CREBBP: variants seen among roughly 807,000 people sequenced by gnomAD.
CREBBP encodes the protein CREB-binding protein.
Under a neutral mutation model 265.0 loss-of-function variants are expected in CREBBP, and 19 were observed. The ratio of observed to expected loss-of-function variants is 0.07; its 90% CI spans 0.05 to 0.11. CREBBP has a LOEUF of 0.11. Among genes scored for constraint, CREBBP ranks in the 10% least tolerant of loss-of-function variants. The pLI is 1.00. For missense variants in CREBBP, 2,525 were observed against 3,219.0 expected (o/e 0.78, Z 5.22); for synonymous variants, 1,457 against 1,223.7 (o/e 1.19, Z -3.98).
rs1349833521 is a variant in CREBBP, at chr16:3,879,683, C to T, written c.85+149G>A. 3 of 879,512 alleles carry T rather than the reference C, an allele frequency of 3.4e-6. No individual in the cohort carries two copies. The East Asian group carries it at 8.0e-5, about 23-fold the overall frequency. The allele number at this position is 879,512 out of a possible 1,614,324, so 54.5% of individuals were successfully genotyped here. On this transcript the variant is annotated intron_variant, in intron 1 of 30. Transcript: ENST00000262367. ...GACAGTCCTGCGACGAACTTCCACC[C>T]TCCCGCGCGGGGCGAGGGGAACGGG... is the stretch of plus-strand genomic sequence containing the variant.
At chr16:3,757,065 G>GTT (rs1176019408) in intron 19 of CREBBP, among the ~76,000 whole-genome samples, 1 of 152,080 alleles carries the variant, frequency 6.6e-6, no homozygotes, top group Admixed American at 6.6e-5. Flanking sequence ...AGAGATGGGG[G>GTT]TTTCTCTATG....
intron 6 of CREBBP, 75 bp downstream of exon 6, chr16:3,782,609 C>A: frequency 6.4e-7 from 1 of 1,562,578 alleles, no homozygotes; most frequent in South Asian, 1.2e-5. Context: ...CTGAAAACTG[C>A]CTTGGGTTCC....
chr16:3,872,457 C>T (rs975205347), intron 1 of CREBBP, among the ~76,000 whole-genome samples: 1 of 152,130 alleles, frequency 6.6e-6, no homozygotes, highest in Non-Finnish European at 1.5e-5. Context: ...GGCAAAAGCC[C>T]CCACAGGCAC....
chr16:3,843,423 AT>A (rs71133662), intron 2 of CREBBP, among the ~76,000 whole-genome samples: 45 of 141,734 alleles, frequency 3.2e-4, no homozygotes, highest in African/African-American at 4.4e-4. Context: ...GTTGTCAAAG[AT>A]TTTTTTTTTT....
Position 3,726,984 on chromosome 16 carries a change from A to C in CREBBP, c.*734T>G. 2 of 233,334 alleles carry C rather than the reference A, an allele frequency of 8.6e-6. No homozygotes were observed. The highest frequency in any genetic ancestry group is 1.7e-5 in the Non-Finnish European group (2 of 118,030). 14.5% of individuals were successfully genotyped at this position (233,334 alleles called of 1,614,324 possible). ...TTTCCTCATTTCAAGTTTCACATAG[A>C]AGAAAGAAAAGAAGGCTTCTTCTCT... On this transcript the variant is annotated 3_prime_UTR_variant, in exon 31 of 31. Transcript: ENST00000262367.
intron 2 of CREBBP, among the ~76,000 whole-genome samples, chr16:3,827,228 G>A (rs1307531007): frequency 6.6e-6 from 1 of 151,504 alleles, no homozygotes; most frequent in Non-Finnish European, 1.5e-5. Context: ...AATGTGATAA[G>A]TATCAACAGG....
intron 3 of CREBBP, among the ~76,000 whole-genome samples, chr16:3,808,662 T>C (rs189036222): frequency 1.3e-5 from 2 of 152,176 alleles, no homozygotes; most frequent in East Asian, 3.9e-4. Flanking sequence ...CACTAAGTTG[T>C]AGATAAAGGA....
At chr16:3,838,785 G>A (rs1053086398) in intron 2 of CREBBP, among the ~76,000 whole-genome samples, 1 of 152,080 alleles carries the variant, frequency 6.6e-6, no homozygotes, top group Non-Finnish European at 1.5e-5. Context: ...CTGGCCTAAA[G>A]CAATCCTCCC....
rs2054759323 is a variant in CREBBP, at chr16:3,849,437, GTGTGTGTGTGTGT to G, written c.798+847_798+859del. 0.01 allele frequency among the ~76,000 whole-genome samples: 166 copies of G among 16,478 alleles called. 5 individuals carry two copies. The Middle Eastern group carries it at 0.12, about 12-fold the overall frequency. 10.8% of individuals were successfully genotyped at this position (16,478 alleles called of 152,430 possible). On this transcript the variant is annotated intron_variant, in intron 2 of 30. Coordinates refer to ENST00000262367, the MANE Select transcript of CREBBP (RefSeq NM_004380.3). ...TGTGTGTGTGTGTGTGTGTGTGTGT[GTGTGTGTGTGTGT>G]GTGTGTGTGTGTGTGTGTGTGTGTG...
chr16:3,730,993 G>C (rs912526930), intron 30 of CREBBP, among the ~76,000 whole-genome samples, 199 bp downstream of exon 30: 5 of 152,244 alleles, frequency 3.3e-5, no homozygotes, highest in African/African-American at 1.2e-4. Context: ...GGTCAGGCCT[G>C]TGGCTGTGGC....
At chr16:3,733,405 G>A (rs1010766674) in intron 28 of CREBBP, among the ~76,000 whole-genome samples, 9 of 151,046 alleles carry the variant, frequency 6.0e-5, no homozygotes, top group Middle Eastern at 3.4e-3. Flanking sequence ...CAAGCAGCCC[G>A]AGGAGCCCAA....
chr16:3,859,805 G>A (rs1399369808), intron 1 of CREBBP, among the ~76,000 whole-genome samples: 2 of 152,186 alleles, frequency 1.3e-5, no homozygotes, highest in East Asian at 3.8e-4. Flanking sequence ...GGGGCAAAAA[G>A]GCTACATGGC....
At chr16:3,855,806 T>G (rs2054949499) in intron 1 of CREBBP, among the ~76,000 whole-genome samples, 2 of 152,234 alleles carry the variant, frequency 1.3e-5, no homozygotes, top group Admixed American at 6.5e-5. Context: ...GGAGATTCAC[T>G]GAGGTGTCCA....
chr16:3,822,561 G>A (rs144050294), intron 2 of CREBBP, among the ~76,000 whole-genome samples: 21 of 152,284 alleles, frequency 1.4e-4, no homozygotes, highest in African/African-American at 3.9e-4. Flanking sequence ...GGGAGGTGAC[G>A]TGAGGCTGCC....
chr16:3,824,199 A>AG (rs1212725345), intron 2 of CREBBP, among the ~76,000 whole-genome samples: 2 of 152,224 alleles, frequency 1.3e-5, no homozygotes, highest in Non-Finnish European at 2.9e-5. Flanking sequence ...GAGGCAAACA[A>AG]GGGGGTCAAG....
chr16:3,860,849 T>C (rs1026482798), intron 1 of CREBBP, among the ~76,000 whole-genome samples: 8 of 151,938 alleles, frequency 5.3e-5, no homozygotes, highest in Admixed American at 1.3e-4. Flanking sequence ...TACTGATCTA[T>C]TACTAATTAG....
Position 3,739,171 on chromosome 16 carries a change from G to A in CREBBP, c.4280+407C>T, listed in dbSNP as rs130013. Among the ~76,000 whole-genome samples, 26 of 152,334 alleles carry A rather than the reference G, an allele frequency of 1.7e-4. 1 individual carries two copies. The highest frequency in any genetic ancestry group is 3.4e-3 in the Middle Eastern group (1 of 294). On this transcript the variant is annotated intron_variant, in intron 25 of 30. Coordinates refer to ENST00000262367, the MANE Select transcript of CREBBP (RefSeq NM_004380.3). ...TTCGTCACTGAACAAAAGGATGAAT[G>A]GCACCACTCGGCACAGAGAGCCACA... is the stretch of plus-strand genomic sequence containing the variant.
chr16:3,810,111 T>C (rs1384253541), intron 3 of CREBBP, among the ~76,000 whole-genome samples: 1 of 152,224 alleles, frequency 6.6e-6, no homozygotes, highest in Non-Finnish European at 1.5e-5. Flanking sequence ...TTCCCATCTA[T>C]AAAATCCCTT....
intron 1 of CREBBP, among the ~76,000 whole-genome samples, chr16:3,856,264 C>A (rs1392889498): frequency 1.3e-5 from 2 of 152,306 alleles, no homozygotes; most frequent in African/African-American, 4.8e-5. Context: ...GCTGGGACCA[C>A]AGGTGTGCCC....
Sources: gnomAD v4.1 joint callset for allele counts (sites outside exome capture counted in the v4.1 genomes callset) on GRCh38, gnomAD v4.1.1 for gene constraint, MANE v1.5 for transcripts, NCBI Gene and HGNC (gene_info 2026-07-23, HGNC 2026-07-21) for gene names.